The following TYW5 variants were observed in gnomAD, a reference collection of about 807,000 sequenced individuals.
TYW5 encodes tRNA wybutosine-synthesizing protein 5.
TYW5 carries 36 observed loss-of-function variants against 44.4 expected under a neutral mutation model. The observed-to-expected ratio is 0.81, with a 90% CI of 0.62 to 1.07. The LOEUF (loss-of-function observed/expected upper bound fraction) is 1.07, where lower values mean the gene tolerates loss of function less well. Ranked by LOEUF, TYW5 falls within the 50% of genes least tolerant of loss-of-function variation. The probability of loss-of-function intolerance (pLI) is 0.00; values close to 1 mark genes in which losing one functional copy is unlikely to be tolerated. For missense variants in TYW5, 354 were observed against 365.7 expected (o/e 0.97, Z 0.26); for synonymous variants, 121 against 128.1 (o/e 0.94, Z 0.37).
chr2:199,951,523 T>C (rs566850851), intron 1 of TYW5, among the ~76,000 whole-genome samples: 22 of 152,164 alleles, frequency 1.4e-4, no homozygotes, highest in African/African-American at 2.9e-4. Flanking sequence ...ATCAAAACTA[T>C]ACAAAAGTCA....
rs2105686082 is a variant in TYW5 at position 199,932,172 on chromosome 2, T to C, written c.*895A>G. On this transcript the variant is annotated 3_prime_UTR_variant, in exon 8 of 8. Transcript: ENST00000354611. Reference sequence around the variant, plus strand: ...ATCATCAACTCCAGTTGATCTCAGCTCTGATTATGCATCAGAACACCCTGT... The same window carrying C: ...ATCATCAACTCCAGTTGATCTCAGCCCTGATTATGCATCAGAACACCCTGT... The C allele has an allele frequency of 6.6e-6, 1 of 152,276 alleles. No individual in the cohort carries two copies. The highest frequency in any genetic ancestry group is 1.9e-4 in the East Asian group (1 of 5,184). The allele number at this position is 152,276 out of a possible 1,614,324, so 9.4% of individuals were successfully genotyped here. A position where few individuals can be genotyped will look rare whatever the true frequency, so the allele number is the denominator to read the frequency against.
At chr2:199,949,337 C>T (rs1170390683) in intron 1 of TYW5, among the ~76,000 whole-genome samples, 1 of 152,150 alleles carries the variant, frequency 6.6e-6, no homozygotes, top group Non-Finnish European at 1.5e-5. Flanking sequence ...CATTGTACTC[C>T]AGCCTGGGCG....
Position 199,932,421 on chromosome 2 carries a change from T to C in TYW5, c.*646A>G, listed in dbSNP as rs756891380. On this transcript the variant is annotated 3_prime_UTR_variant, in exon 8 of 8. Transcript: ENST00000354611. ...TCCCTCATGTGGCCTCCACTTCTAC[T>C]CTCAGCTCCAGTGGACCTGACTGCC... is the stretch of plus-strand genomic sequence containing the variant. 6.6e-6 allele frequency: 1 copy of C among 152,292 alleles called. No homozygotes were observed. The highest frequency in any genetic ancestry group is 1.5e-5 in the Non-Finnish European group (1 of 68,098). The allele number at this position is 152,292 out of a possible 1,614,324, so 9.4% of individuals were successfully genotyped here.
At chr2:199,937,483 C>A (rs914819029) in intron 5 of TYW5, among the ~76,000 whole-genome samples, 23 of 150,434 alleles carry the variant, frequency 1.5e-4, no homozygotes, top group African/African-American at 5.6e-4. Context: ...GCCAACGTCG[C>A]AAAACCCCAT....
rs554457821 is a variant in TYW5 at position 199,948,052 on chromosome 2, C to T, written c.233+266G>A. The T allele has an allele frequency of 5.1e-4, 164 of 318,586 alleles. 1 individual carries two copies. The highest frequency in any genetic ancestry group is 3.4e-3 in the African/African-American group (152 of 44,992). 19.7% of individuals were successfully genotyped at this position (318,586 alleles called of 1,614,324 possible). ...GGTTGCAGTGAGCCAAAATCACACA[C>T]CTGCACTCCAGCCTGGGTGGCGCAG... On this transcript the variant is annotated intron_variant, in intron 2 of 7. Transcript: ENST00000354611.
Position 199,933,170 on chromosome 2 carries a change from GCT to G in TYW5, c.843_844del (p.Arg281SerfsTer13). On this transcript the variant is annotated frameshift_variant, in exon 8 of 8. Transcript: ENST00000354611. LOFTEE classifies it high-confidence loss of function. ...TGGTAACTCGGCCAGTGTTTTCAAG[GCT>G]CTGTCCAGAATTTGTGCAGCTCTTG... The G allele has an allele frequency of 6.2e-7, 1 of 1,614,050 alleles. No homozygotes were observed. Among genetic ancestry groups the G allele is most frequent in the Non-Finnish European group, 8.5e-7 (1 of 1,180,010 alleles).
At chr2:199,943,938 T>C in intron 2 of TYW5, 104 bp from the exon 3 acceptor site, 1 of 714,086 alleles carries the variant, frequency 1.4e-6, no homozygotes, top group South Asian at 2.3e-5. Context: ...TATAATCTCC[T>C]GTTTTATAAT....
Position 199,934,978 on chromosome 2 carries a change from T to A in TYW5, c.691+953A>T, listed in dbSNP as rs543188635. Among the ~76,000 whole-genome samples, 6 of 152,112 alleles carry A rather than the reference T, an allele frequency of 3.9e-5. No individual in the cohort carries two copies. The East Asian group carries it at 9.7e-4, about 25-fold the overall frequency. On this transcript the variant is annotated intron_variant, in intron 7 of 7. Coordinates refer to ENST00000354611, the MANE Select transcript of TYW5 (RefSeq NM_001039693.3). ...TAACATTTTAATATGAAATCTTTCA[T>A]CTGTTTTGGCCTTGAAAGATACTTA...
intron 3 of TYW5, chr2:199,942,965 G>C (rs901692173): frequency 6.6e-6 from 1 of 151,078 alleles, no homozygotes; most frequent in African/African-American, 2.4e-5. Flanking sequence ...CAAGTGATTC[G>C]CCTGCCTCAG....
chr2:199,937,973 A>G (rs573562596), intron 5 of TYW5, among the ~76,000 whole-genome samples: 17 of 152,224 alleles, frequency 1.1e-4, no homozygotes, highest in African/African-American at 3.9e-4. Context: ...ACACCAAACC[A>G]TATACCATAC....
chr2:199,955,258 C>G, intron 1 of TYW5, 135 bp downstream of exon 1: 1 of 997,590 alleles, frequency 1.0e-6, no homozygotes, highest in Non-Finnish European at 1.5e-6. Flanking sequence ...GTCTAAGGGC[C>G]AACCAGTGAT....
chr2:199,937,899 A>AT (rs59300551), intron 5 of TYW5, among the ~76,000 whole-genome samples: 22,132 of 151,670 alleles, frequency 0.15, 1,858 homozygotes, highest in Middle Eastern at 0.23. Flanking sequence ...GAACTTAAAA[A>AT]TTTTTTTTTC....
At position 199,952,799 on chromosome 2, in the gene TYW5, CGA is replaced by C. The variant is rs575930972; in HGVS notation, c.78+2592_78+2593del. On this transcript the variant is annotated intron_variant, in intron 1 of 7. Transcript: ENST00000354611. Reference sequence around the variant, plus strand: ...GTAGCTTCATTTTGTTTTGTATTGCCGAGTGTACTCACAACTTGTGTAGTTTC... The same window carrying C: ...GTAGCTTCATTTTGTTTTGTATTGCCGTGTACTCACAACTTGTGTAGTTTC... Among the ~76,000 whole-genome samples, 19 of 152,198 alleles carry C rather than the reference CGA, an allele frequency of 1.2e-4. No homozygotes were observed. The South Asian group carries it at 3.9e-3, about 32-fold the overall frequency.
chr2:199,945,473 A>G (rs1427041006), intron 2 of TYW5: 6 of 152,216 alleles, frequency 3.9e-5, no homozygotes, highest in Admixed American at 3.3e-4. Flanking sequence ...ACCAATGCAG[A>G]GTACTATTTC....
intron 6 of TYW5, 134 bp downstream of exon 6, chr2:199,936,271 C>T: frequency 1.3e-6 from 1 of 785,010 alleles, no homozygotes; most frequent in Non-Finnish European, 2.0e-6. Context: ...AAATTTGAAC[C>T]TGTTATTACA....
At chr2:199,936,523 A>C in intron 5 of TYW5, 31 bp from the exon 6 acceptor site, 2 of 1,558,338 alleles carry the variant, frequency 1.3e-6, no homozygotes, top group Non-Finnish European at 1.8e-6. Flanking sequence ...ATGGGTAATC[A>C]TTATCTAAAA....
chr2:199,929,036 T>C lies in TYW5; in HGVS notation c.*4031A>G, dbSNP rs934854598. On this transcript the variant is annotated 3_prime_UTR_variant, in exon 8 of 8. Coordinates refer to ENST00000354611, the MANE Select transcript of TYW5 (RefSeq NM_001039693.3). ...TAAGAGAAAAACATAAGAGGAGATA[T>C]AGACAGACCTCATCTGTAAACTCAT... is the stretch of plus-strand genomic sequence containing the variant. Among the ~76,000 whole-genome samples the C allele has an allele frequency of 2.6e-5, 4 of 152,192 alleles. No homozygotes were observed. Among genetic ancestry groups the C allele is most frequent in the African/African-American group, 7.2e-5 (3 of 41,450 alleles).
intron 2 of TYW5, chr2:199,944,492 T>C (rs2077489419): frequency 6.6e-6 from 1 of 152,272 alleles, no homozygotes; most frequent in Admixed American, 6.5e-5. Context: ...CTGAACACTG[T>C]GGAAGCAAAA....
chr2:199,932,774 AC>A lies in TYW5; in HGVS notation c.*292del. 1 of 313,904 alleles carries A rather than the reference AC, an allele frequency of 3.2e-6. No individual in the cohort carries two copies. Among genetic ancestry groups the A allele is most frequent in the Non-Finnish European group, 5.9e-6 (1 of 170,598 alleles). 19.4% of individuals were successfully genotyped at this position (313,904 alleles called of 1,614,324 possible). A position where few individuals can be genotyped will look rare whatever the true frequency, so the allele number is the denominator to read the frequency against. On this transcript the variant is annotated 3_prime_UTR_variant, in exon 8 of 8. Transcript: ENST00000354611. ...ATTACTGAATCATTGGATCAGAAACACTGCAGCACATTCTGTCAATAGATTT... is the reference window on the plus strand; with the variant it reads ...ATTACTGAATCATTGGATCAGAAACATGCAGCACATTCTGTCAATAGATTT...
Sources: allele counts gnomAD v4.1 joint callset (sites outside exome capture counted in the v4.1 genomes callset), GRCh38; gene constraint gnomAD v4.1.1; transcripts MANE v1.5; gene names NCBI Gene and HGNC (gene_info 2026-07-23, HGNC 2026-07-21).